The following ARHGEF5 variants were observed in gnomAD, a reference collection of about 807,000 sequenced individuals.
ARHGEF5 encodes the protein Rho guanine nucleotide exchange factor (GEF) 5.
ARHGEF5 carries 11 observed loss-of-function variants against 104.0 expected under a neutral mutation model. The observed-to-expected ratio is 0.11, with a 90% CI of 0.07 to 0.18. The LOEUF is 0.18. ARHGEF5 is among the 10% of genes least tolerant of loss of function. The pLI is 1.00. For missense variants in ARHGEF5, 165 were observed against 1,335.4 expected, an observed-to-expected ratio of 0.12 and a Z score of 13.66; for synonymous variants, 60 against 512.2, an observed-to-expected ratio of 0.12 and a Z score of 11.92.
chr7:144,370,386 C>G, intron 5 of ARHGEF5, among the ~76,000 whole-genome samples: 1 of 152,272 alleles, frequency 6.6e-6, no homozygotes, highest in Non-Finnish European at 1.5e-5. Flanking sequence ...CCCTTCAGGC[C>G]TCCTCGACTG....
At chr7:144,378,718 C>G in intron 13 of ARHGEF5, 44 bp from the exon 14 acceptor site, 4 of 1,558,156 alleles carry the variant, frequency 2.6e-6, no homozygotes, top group Non-Finnish European at 3.5e-6. Context: ...GTGTTCCAAT[C>G]CCCTGCCTCT....
rs1484029469 is a variant in ARHGEF5 at position 144,380,046 on chromosome 7, A to T, written c.4784A>T (p.Gln1595Leu). Residue 1595 changes from glutamine to leucine, a missense_variant, in exon 15 of 15, where the codon CAG (glutamine) becomes CTG (leucine). By Grantham distance (113) the Gln-to-Leu change is moderately radical (BLOSUM62 -2). Coordinates refer to ENST00000056217, the MANE Select transcript of ARHGEF5 (RefSeq NM_005435.4). ...VKTAKLQLVE[Q>L]QA ...ACTGCCAAACTACAGCTGGTGGAACAGCAAGCCTAAGTCTTCTCTGAGAGG... is the reference window on the plus strand; with the variant it reads ...ACTGCCAAACTACAGCTGGTGGAACTGCAAGCCTAAGTCTTCTCTGAGAGG... 2.5e-6 allele frequency: 4 copies of T among 1,614,218 alleles called. No individual in the cohort carries two copies. The African/African-American group carries it at 5.3e-5, about 22-fold the overall frequency.
chr7:144,377,262 G>A, intron 13 of ARHGEF5, 72 bp downstream of exon 13: 3 of 1,535,342 alleles, frequency 2.0e-6, no homozygotes, highest in Non-Finnish European at 2.6e-6. Context: ...GGAGTTTAAA[G>A]GGCTGGGTGG....
intron 1 of ARHGEF5, among the ~76,000 whole-genome samples, chr7:144,359,677 T>TGGGGGGGGG: frequency 3.4e-5 from 1 of 29,648 alleles, no homozygotes; most frequent in East Asian, 1.3e-3. Flanking sequence ...TGAAAGCCAG[T>TGGGGGGGGG]GGGAGAGGGG....
rs1295311869 is a variant in ARHGEF5 at position 144,378,836 on chromosome 7, G to C, written c.4606G>C (p.Val1536Leu). 1.2e-6 allele frequency: 2 copies of C among 1,614,114 alleles called. No homozygotes were observed. The highest frequency in any genetic ancestry group is 1.7e-6 in the Non-Finnish European group (2 of 1,179,988). The change falls in exon 14 of 15, where the codon GTG (valine) becomes CTG (leucine). Residue 1536 changes from valine to leucine, a missense_variant. Val to Leu is a conservative substitution (Grantham distance 32). Coordinates refer to ENST00000056217, the MANE Select transcript of ARHGEF5 (RefSeq NM_005435.4). ...NDELALEKADVVMVTQQSSDG... is the reference protein window; with the variant it reads ...NDELALEKADLVMVTQQSSDG... The stretch of plus-strand genomic sequence containing the variant: ...TGAATTGGCACTGGAGAAAGCCGAC[G>C]TGGTGATGGTGACTCAGCAGAGCAG...
rs1164325016 is a variant in ARHGEF5 at position 144,380,109 on chromosome 7, G to A, written c.*53G>A. On this transcript the variant is annotated 3_prime_UTR_variant, in exon 15 of 15. Coordinates refer to ENST00000056217, the MANE Select transcript of ARHGEF5 (RefSeq NM_005435.4). ...TGAAGAACAAGCTGCTCATGGCAAG[G>A]GCTGGCCCCAGAACCCTGCAAGAGA... is the stretch of plus-strand genomic sequence containing the variant. 1 of 1,609,486 alleles carries A rather than the reference G, an allele frequency of 6.2e-7. No individual in the cohort carries two copies. Among genetic ancestry groups the A allele is most frequent in the Non-Finnish European group, 8.5e-7 (1 of 1,176,952 alleles).
At chr7:144,371,397 TC>T in intron 6 of ARHGEF5, 76 bp downstream of exon 6, 1 of 1,195,304 alleles carries the variant, frequency 8.4e-7, no homozygotes, top group Non-Finnish European at 1.2e-6. Flanking sequence ...GTTATTTTTT[TC>T]CCCTCTTAGA....
At position 144,363,485 on chromosome 7, in the gene ARHGEF5, G is replaced by C. The variant is rs770917964; in HGVS notation, c.816G>C (p.Gln272His). Residue 272 changes from glutamine (Q) to histidine (H), a missense_variant, in exon 2 of 15, where the codon CAG becomes CAC. Coordinates refer to ENST00000056217, the MANE Select transcript of ARHGEF5 (RefSeq NM_005435.4). The part of the protein sequence containing the change: ...IEQVNDEKGE[Q>H]KQKQEQVQDV... The stretch of plus-strand genomic sequence containing the variant: ...AGGTTAATGATGAAAAGGGAGAACA[G>C]AAGCAAAAACAGGAACAGGTACAAG... 1 of 1,551,858 alleles carries C rather than the reference G, an allele frequency of 6.4e-7. No individual in the cohort carries two copies. Among genetic ancestry groups the C allele is most frequent in the African/African-American group, 1.4e-5 (1 of 71,406 alleles).
rs1442096307 is a variant in ARHGEF5 at position 144,377,125 on chromosome 7, A to G, written c.4466A>G (p.Glu1489Gly). 10 of 1,502,322 alleles carry G rather than the reference A, an allele frequency of 6.7e-6. No individual in the cohort carries two copies. In the Admixed American group the frequency reaches 1.6e-4, roughly 24 times the overall value. 93.1% of individuals were successfully genotyped at this position (1,502,322 alleles called of 1,614,324 possible). The change falls in exon 13 of 15, where the codon GAA (glutamate) becomes GGA (glycine). Residue 1489 changes from glutamate to glycine, a missense_variant. Transcript: ENST00000056217. ...ACCCTGCTTTGTTTTCTCAGAAGTG[A>G]AAAGCTTCGGTGGATCTCAGCCTTG... ...EFLFRTETQS[E>G]KLRWISALAM... is the part of the protein sequence containing the mutation.
rs2053790831 is a variant in ARHGEF5, at chr7:144,380,125, C to T, written c.*69C>T. On this transcript the variant is annotated 3_prime_UTR_variant, in exon 15 of 15. Coordinates refer to ENST00000056217, the MANE Select transcript of ARHGEF5 (RefSeq NM_005435.4). The stretch of plus-strand genomic sequence containing the variant: ...CATGGCAAGGGCTGGCCCCAGAACC[C>T]TGCAAGAGAGGCCTTCTGTGGATGG... 4 of 1,586,570 alleles carry T rather than the reference C, an allele frequency of 2.5e-6. No individual in the cohort carries two copies. The highest frequency in any genetic ancestry group is 3.4e-6 in the Non-Finnish European group (4 of 1,160,604).
In ARHGEF5 at chr7:144,380,306, G is replaced by A; in HGVS notation, c.*250G>A. The A allele has an allele frequency of 4.6e-6, 2 of 432,362 alleles. No homozygotes were observed. The highest frequency in any genetic ancestry group is 8.4e-6 in the Non-Finnish European group (2 of 238,158). The allele number at this position is 432,362 out of a possible 1,614,324, so 26.8% of individuals were successfully genotyped here. A position where few individuals can be genotyped will look rare whatever the true frequency, so the allele number is the denominator to read the frequency against. ...CATCATTAAAAAAAGGGGGACCATT[G>A]GGGCCTGAGCCAAGGAACTTTCCTT... is the stretch of plus-strand genomic sequence containing the variant. On this transcript the variant is annotated 3_prime_UTR_variant, in exon 15 of 15. Transcript: ENST00000056217.
chr7:144,380,553 G>A lies in ARHGEF5; in HGVS notation c.*497G>A, dbSNP rs2053794878. The A allele has an allele frequency of 6.5e-6, 1 of 153,608 alleles. No individual in the cohort carries two copies. Among genetic ancestry groups the A allele is most frequent in the African/African-American group, 2.4e-5 (1 of 41,446 alleles). The allele number at this position is 153,608 out of a possible 1,614,324, so 9.5% of individuals were successfully genotyped here. On this transcript the variant is annotated 3_prime_UTR_variant, in exon 15 of 15. Transcript: ENST00000056217. Reference sequence around the variant, plus strand: ...CATAATTATGGTGCAAGGTCAGTGTGTCTCTGAGATCTATGTCTGTTGGTG... The same window carrying A: ...CATAATTATGGTGCAAGGTCAGTGTATCTCTGAGATCTATGTCTGTTGGTG...
intron 12 of ARHGEF5, 136 bp from the exon 13 acceptor site, chr7:144,376,983 CA>C: frequency 4.4e-6 from 2 of 452,144 alleles, no homozygotes; most frequent in South Asian, 2.5e-5. Flanking sequence ...TGTTTCCAAC[CA>C]AAAAGAGTCC....
chr7:144,359,437 G>C (rs2053621310), intron 1 of ARHGEF5, among the ~76,000 whole-genome samples: 1 of 144,682 alleles, frequency 6.9e-6, no homozygotes. Context: ...ATACATCTTT[G>C]TTGAGGGCCA....
intron 1 of ARHGEF5, among the ~76,000 whole-genome samples, chr7:144,361,003 G>T (rs550608471): frequency 6.9e-6 from 1 of 145,532 alleles, no homozygotes; most frequent in African/African-American, 2.5e-5. Flanking sequence ...GCCGAGGCGG[G>T]TGGATAACGA....
intron 9 of ARHGEF5, among the ~76,000 whole-genome samples, 179 bp downstream of exon 9, chr7:144,372,936 C>T (rs1400439296): frequency 1.5e-5 from 2 of 136,256 alleles, no homozygotes; most frequent in Admixed American, 7.2e-5. Flanking sequence ...TCTCCCACGC[C>T]GAGCACACTC....
At position 144,380,483 on chromosome 7, in the gene ARHGEF5, G is replaced by A. The variant is rs1280121598; in HGVS notation, c.*427G>A. On this transcript the variant is annotated 3_prime_UTR_variant, in exon 15 of 15. Coordinates refer to ENST00000056217, the MANE Select transcript of ARHGEF5 (RefSeq NM_005435.4). Reference sequence around the variant, plus strand: ...AGGGGTTAACACATCAGATGGGAGGGTCAGCCCGGTGACCTCTAAGGTATC... The same window carrying A: ...AGGGGTTAACACATCAGATGGGAGGATCAGCCCGGTGACCTCTAAGGTATC... 1 of 162,968 alleles carries A rather than the reference G, an allele frequency of 6.1e-6. No homozygotes were observed. Among genetic ancestry groups the A allele is most frequent in the Non-Finnish European group, 1.4e-5 (1 of 73,596 alleles). The allele number at this position is 162,968 out of a possible 1,614,324, so 10.1% of individuals were successfully genotyped here. A position where few individuals can be genotyped will look rare whatever the true frequency, so the allele number is the denominator to read the frequency against.
At position 144,377,680 on chromosome 7, in the gene ARHGEF5, C is replaced by G. The variant is rs10277037; in HGVS notation, c.4531+490C>G. 6.7e-3 allele frequency among the ~76,000 whole-genome samples: 1,018 copies of G among 152,276 alleles called. 9 individuals are homozygous for G. The highest frequency in any genetic ancestry group is 0.024 in the African/African-American group (980 of 41,540). ...GTATGTGTCTGTGTTCACACCAAGA[C>G]TGGACTTCTTATGCCTCTCATGTCA... On this transcript the variant is annotated intron_variant, in intron 13 of 14. Transcript: ENST00000056217.
rs1256915445 is a variant in ARHGEF5 at position 144,360,160 on chromosome 7, G to C, written c.-12-2498G>C. 6.7e-5 allele frequency among the ~76,000 whole-genome samples: 8 copies of C among 119,182 alleles called. 3 individuals are homozygous for C. The highest frequency in any genetic ancestry group is 1.3e-4 in the Non-Finnish European group (7 of 55,856). 78.2% of individuals were successfully genotyped at this position (119,182 alleles called of 152,430 possible). ...CACCTAGGCTGGAGAGCAGTGATGT[G>C]ATCTTGGCTCACTGCAGCCTCTGCC... On this transcript the variant is annotated intron_variant, in intron 1 of 14. Coordinates refer to ENST00000056217, the MANE Select transcript of ARHGEF5 (RefSeq NM_005435.4).
Sources: allele counts gnomAD v4.1 joint callset (sites outside exome capture counted in the v4.1 genomes callset), GRCh38; gene constraint gnomAD v4.1.1; transcripts MANE v1.5; gene names NCBI Gene and HGNC (gene_info 2026-07-23, HGNC 2026-07-21).